The following ATXN7 variants were observed in gnomAD, a reference collection of about 807,000 sequenced individuals.
ATXN7 encodes ataxin 7, also known as ataxin-7.
In ATXN7, 12 loss-of-function variants were observed where a neutral mutation model predicts 70.5. The observed-to-expected ratio is 0.17, with a 90% confidence interval of 0.11 to 0.28. The LOEUF is 0.28. Ranked by LOEUF, ATXN7 falls within the 10% of genes least tolerant of loss-of-function variation. The pLI, the probability that ATXN7 is intolerant of heterozygous loss-of-function variation, is 1.00. For missense variants in ATXN7, 1,256 were observed against 1,131.7 expected, an observed-to-expected ratio of 1.11 and a Z score of -1.58; for synonymous variants, 498 against 448.7, an observed-to-expected ratio of 1.11 and a Z score of -1.39.
chr3:63,866,004 C>T (rs1168868829), intron 1 of ATXN7, among the ~76,000 whole-genome samples: 2 of 145,274 alleles, frequency 1.4e-5, no homozygotes, highest in Non-Finnish European at 3.0e-5. Flanking sequence ...GAAACAGTGT[C>T]AGTGATTTAA....
intron 1 of ATXN7, among the ~76,000 whole-genome samples, chr3:63,892,467 TCACACACA>T (rs60819300): frequency 3.0e-5 from 4 of 131,702 alleles, no homozygotes; most frequent in African/African-American, 1.2e-4. Flanking sequence ...TATCGCTCCT[TCACACACA>T]CACACACACA....
intron 4 of ATXN7, among the ~76,000 whole-genome samples, chr3:63,932,783 A>G (rs2074577226): frequency 6.6e-6 from 1 of 152,154 alleles, no homozygotes; most frequent in Non-Finnish European, 1.5e-5. Context: ...CTTAGGCAGT[A>G]GTTCTTCCAG....
In ATXN7 at chr3:63,995,870, A is replaced by T; in HGVS notation, c.2048A>T (p.Lys683Met). The T allele has an allele frequency of 6.2e-7, 1 of 1,614,180 alleles. No homozygotes were observed. The highest frequency in any genetic ancestry group is 8.5e-7 in the Non-Finnish European group (1 of 1,180,020). Residue 683 changes from lysine to methionine, a missense_variant, in exon 12 of 13, where the codon AAG becomes ATG. By Grantham distance (95) the Lys-to-Met change is moderately conservative (BLOSUM62 -1). Coordinates refer to ENST00000674280, the MANE Select transcript of ATXN7 (RefSeq NM_001377405.1). ...KLKSSKSLRP[K>M]ESSGNSTNCQ... Reference sequence around the variant, plus strand: ...AAATCCAGCAAATCTTTGAGGCCCAAGGAGTCTTCTGGTAACAGCACTAAC... The same window carrying T: ...AAATCCAGCAAATCTTTGAGGCCCATGGAGTCTTCTGGTAACAGCACTAAC...
chr3:63,969,449 G>A (rs1432599858), intron 5 of ATXN7, among the ~76,000 whole-genome samples: 1 of 152,168 alleles, frequency 6.6e-6, no homozygotes, highest in African/African-American at 2.4e-5. Flanking sequence ...TCCCTGTTGG[G>A]ATTCCTACAC....
upstream of ATXN7, chr3:63,863,439 A>C (rs1053872989): frequency 9.0e-7 from 1 of 1,116,546 alleles, no homozygotes; most frequent in Non-Finnish European, 1.1e-6. Flanking sequence ...CCGCCCTTGC[A>C]CCGCTTCTAG....
chr3:63,936,471 C>T (rs1056874220), intron 4 of ATXN7, among the ~76,000 whole-genome samples: 5 of 152,078 alleles, frequency 3.3e-5, no homozygotes, highest in African/African-American at 9.7e-5. Flanking sequence ...AAAATCAAGA[C>T]GGAGGAAAAT....
At chr3:63,910,414 G>GT (rs1389338643) in intron 2 of ATXN7, among the ~76,000 whole-genome samples, 4 of 152,040 alleles carry the variant, frequency 2.6e-5, no homozygotes, top group African/African-American at 9.7e-5. Context: ...CCAAATTTTC[G>GT]TTTTTCTTAA....
At chr3:63,996,617 TAAAAAAAAA>T (rs752406394) in intron 12 of ATXN7, 134 bp downstream of exon 12, 8 of 201,450 alleles carry the variant, frequency 4.0e-5, no homozygotes, top group South Asian at 2.4e-4. Context: ...GGTGTCTTCT[TAAAAAAAAA>T]AAAAAAAAAA....
intron 4 of ATXN7, 110 bp from the exon 5 acceptor site, chr3:63,952,269 G>T: frequency 1.6e-6 from 1 of 642,318 alleles, no homozygotes; most frequent in Non-Finnish European, 2.6e-6. Flanking sequence ...CAGTTCATTT[G>T]TCCTGGTATA....
intron 4 of ATXN7, among the ~76,000 whole-genome samples, chr3:63,923,981 G>T (rs1298034017): frequency 1.3e-5 from 2 of 152,128 alleles, no homozygotes; most frequent in African/African-American, 4.8e-5. Context: ...TTCAGCAAGG[G>T]AATGATCTAA....
chr3:63,999,097 C>G (rs1055002419), intron 12 of ATXN7: 1 of 232,014 alleles, frequency 4.3e-6, no homozygotes, highest in Non-Finnish European at 8.7e-6. Context: ...AGTTAACAAC[C>G]TGGAATACCT....
intron 4 of ATXN7, among the ~76,000 whole-genome samples, chr3:63,928,067 A>C (rs1232675891): frequency 6.6e-6 from 1 of 152,198 alleles, no homozygotes; most frequent in African/African-American, 2.4e-5. Context: ...TTTTTTATTC[A>C]TCAGTGCTGG....
intron 5 of ATXN7, among the ~76,000 whole-genome samples, chr3:63,978,642 A>G (rs1408674165): frequency 1.3e-5 from 2 of 152,360 alleles, no homozygotes; most frequent in East Asian, 3.9e-4. Flanking sequence ...ATAAATCACT[A>G]TCAATTTAAC....
At chr3:63,879,247 A>C (rs1425869822) in intron 1 of ATXN7, among the ~76,000 whole-genome samples, 4 of 152,220 alleles carry the variant, frequency 2.6e-5, no homozygotes, top group Non-Finnish European at 5.9e-5. Flanking sequence ...ATTCAAAGAG[A>C]GAATCTGAAC....
At chr3:63,873,086 A>T (rs1418988180) in intron 1 of ATXN7, among the ~76,000 whole-genome samples, 1 of 152,124 alleles carries the variant, frequency 6.6e-6, no homozygotes, top group African/African-American at 2.4e-5. Context: ...TTTTACATGA[A>T]TTTTGTATTC....
intron 12 of ATXN7, chr3:63,996,780 A>C: frequency 2.4e-6 from 1 of 412,074 alleles, no homozygotes; most frequent in East Asian, 4.2e-5. Context: ...CAGCAAAATC[A>C]TAATTGGAGG....
At chr3:63,987,380 C>G (rs1326802510) in intron 8 of ATXN7, among the ~76,000 whole-genome samples, 1 of 152,100 alleles carries the variant, frequency 6.6e-6, no homozygotes, top group Non-Finnish European at 1.5e-5. Flanking sequence ...GTTGTCCATC[C>G]CATTTCCTTA....
upstream of ATXN7, chr3:63,863,742 G>A (rs538712826): frequency 4.7e-3 from 5,832 of 1,249,496 alleles, 29 homozygotes; most frequent in Non-Finnish European, 5.5e-3. Flanking sequence ...GCCGTGCAGC[G>A]GGCGCGTGTG....
rs1228475725 is a variant in ATXN7 at position 63,912,571 on chromosome 3, T to C, written c.-11-17T>C. 1 of 1,121,420 alleles carries C rather than the reference T, an allele frequency of 8.9e-7. No homozygotes were observed. The highest frequency in any genetic ancestry group is 1.1e-6 in the Non-Finnish European group (1 of 903,640). 69.5% of individuals were successfully genotyped at this position (1,121,420 alleles called of 1,614,324 possible). A position where few individuals can be genotyped will look rare whatever the true frequency, so the allele number is the denominator to read the frequency against. On this transcript the variant is annotated splice_polypyrimidine_tract_variant and intron_variant, in intron 2 of 12. Transcript: ENST00000674280. Reference sequence around the variant, plus strand: ...CCCCCGCGCGACTCTTTCCCCCTTTTTTTTGTTACATTGTAGGAGCGGAAA... The same window carrying C: ...CCCCCGCGCGACTCTTTCCCCCTTTCTTTTGTTACATTGTAGGAGCGGAAA...
Sources: allele counts gnomAD v4.1 joint callset (sites outside exome capture counted in the v4.1 genomes callset), GRCh38; gene constraint gnomAD v4.1.1; transcripts MANE v1.5; gene names NCBI Gene and HGNC (gene_info 2026-07-23, HGNC 2026-07-21).